The following CHTF18 variants were observed in gnomAD, a reference collection of about 807,000 sequenced individuals.
CHTF18 encodes the protein chromosome transmission fidelity protein 18 homolog.
A neutral mutation model predicts 113.4 loss-of-function variants in CHTF18; 151 were observed. That is an observed-to-expected ratio of 1.33 (90% CI 1.17 to 1.52). The LOEUF is 1.52. Ranked by LOEUF, CHTF18 falls within the 40% of genes most tolerant of loss-of-function variation. CHTF18 has a pLI of 0.00. For missense variants in CHTF18, 1,982 were observed against 1,381.6 expected (o/e 1.43, Z -6.89); for synonymous variants, 916 against 598.8 (o/e 1.53, Z -7.74).
At chr16:796,435 G>T (rs1240117213) in intron 18 of CHTF18, among the ~76,000 whole-genome samples, 1 of 152,240 alleles carries the variant, frequency 6.6e-6, no homozygotes, top group Non-Finnish European at 1.5e-5. Flanking sequence ...GGGTCCTGCT[G>T]CCCCAGCGAC....
chr16:797,647 G>C, intron 20 of CHTF18, 47 bp from the exon 21 acceptor site: 1 of 1,599,832 alleles, frequency 6.3e-7, no homozygotes, highest in Non-Finnish European at 8.5e-7. Context: ...GTAGGGGCTG[G>C]ATGGGGCATC....
At chr16:794,864 C>T (rs1478081501) in intron 15 of CHTF18, 3 of 456,018 alleles carry the variant, frequency 6.6e-6, no homozygotes, top group Admixed American at 4.1e-5. Flanking sequence ...CCCCTCGTGT[C>T]AGTCTCTGTC....
At chr16:793,103 T>C in intron 13 of CHTF18, 39 bp downstream of exon 13, 1 of 1,569,410 alleles carries the variant, frequency 6.4e-7, no homozygotes, top group Non-Finnish European at 8.6e-7. Context: ...TGGGGTGGGG[T>C]CAGGAGTTGG....
rs781238745 is a variant in CHTF18, at chr16:788,656, C to G, written c.-29C>G. On this transcript the variant is annotated 5_prime_UTR_variant, in exon 1 of 22. Coordinates refer to ENST00000262315, the MANE Select transcript of CHTF18 (RefSeq NM_022092.3). The stretch of plus-strand genomic sequence containing the variant: ...GACGGCGGCGGCGGCGCGGGAGGTT[C>G]GGAGCGGGAGCTCGGGCTCGCGGAC... The G allele has an allele frequency of 3.4e-6, 5 of 1,490,062 alleles. No individual in the cohort carries two copies. In the South Asian group the frequency reaches 3.9e-5, roughly 12 times the overall value. 92.3% of individuals were successfully genotyped at this position (1,490,062 alleles called of 1,614,324 possible).
intron 8 of CHTF18, 85 bp downstream of exon 8, chr16:791,455 C>G: frequency 6.8e-7 from 1 of 1,477,548 alleles, no homozygotes; most frequent in Non-Finnish European, 9.0e-7. Flanking sequence ...TGACTTTCTC[C>G]AGGAGCCGTG....
Position 791,908 on chromosome 16 carries a change from G to A in CHTF18, c.1162G>A (p.Ala388Thr). The A allele has an allele frequency of 6.2e-7, 1 of 1,610,022 alleles. No homozygotes were observed. The highest frequency in any genetic ancestry group is 8.5e-7 in the Non-Finnish European group (1 of 1,178,808). The change falls in exon 9 of 22, where the codon GCG (alanine) becomes ACG (threonine). Residue 388 changes from alanine (A) to threonine (T), a missense_variant. Ala to Thr is a moderately conservative substitution (Grantham distance 58). Transcript: ENST00000262315. ...GAAGACCACCCTGGCACACGTGATT[G>A]CGCGTCACGCGGGGTACTCTGTGGT... ...LGKTTLAHVI[A>T]RHAGYSVVEM...
chr16:794,260 C>A (rs1049694944), intron 15 of CHTF18, 59 bp downstream of exon 15: 1 of 1,564,062 alleles, frequency 6.4e-7, no homozygotes, highest in Non-Finnish European at 8.7e-7. Flanking sequence ...CTGGGCTGTG[C>A]CCCTGCCCCT....
In CHTF18 at chr16:794,030, C is replaced by T. The variant is rs367798268; in HGVS notation, c.1803-24C>T. 2.2e-5 allele frequency: 35 copies of T among 1,602,444 alleles called. No individual in the cohort carries two copies. The African/African-American group carries it at 2.8e-4, about 13-fold the overall frequency. ...GCCTGTGCTTTTAACACGGGTCCAT[C>T]TAGCTTCAGCACCCCACCTGCAGGC... On this transcript the variant is annotated intron_variant, in intron 14 of 21. Coordinates refer to ENST00000262315, the MANE Select transcript of CHTF18 (RefSeq NM_022092.3).
intron 8 of CHTF18, chr16:791,625 A>T: frequency 7.0e-7 from 1 of 1,429,408 alleles, no homozygotes. Context: ...GGCCAGTCAC[A>T]CTGGTATCAG....
intron 14 of CHTF18, 21 bp from the exon 15 acceptor site, chr16:794,033 G>A (rs2042271652): frequency 2.5e-6 from 4 of 1,603,794 alleles, no homozygotes; most frequent in Non-Finnish European, 3.4e-6. Context: ...GGTCCATCTA[G>A]CTTCAGCACC....
chr16:796,490 C>T (rs890709879), intron 18 of CHTF18: 364 of 594,750 alleles, frequency 6.1e-4, no homozygotes, highest in African/African-American at 1.5e-3. Flanking sequence ...TGGCAGCCAT[C>T]GGCAGGTTTC....
Position 790,197 on chromosome 16 carries a change from A to G in CHTF18, c.627A>G (p.Pro209=), listed in dbSNP as rs749754581. The change falls in exon 5 of 22, where the codon CCA becomes CCG. Residue 209 remains proline (P), a synonymous_variant. Coordinates refer to ENST00000262315, the MANE Select transcript of CHTF18 (RefSeq NM_022092.3). Reference sequence around the variant, plus strand: ...CACAGGGCTCTCTCCTCCACGTCCCATGGCGAGGCGGTGGCCAGCTGGACC... The same window carrying G: ...CACAGGGCTCTCTCCTCCACGTCCCGTGGCGAGGCGGTGGCCAGCTGGACC... ...PGVQGSLLHV[P]WRGGGQLDLL... 16 of 1,602,952 alleles carry G rather than the reference A, an allele frequency of 1.0e-5. No homozygotes were observed. The African/African-American group carries it at 1.9e-4, about 19-fold the overall frequency.
In CHTF18 at chr16:794,075, C is replaced by T. The variant is rs373024430; in HGVS notation, c.1824C>T (p.Pro608=). The change falls in exon 15 of 22, where the codon CCC becomes CCT. Residue 608 remains proline, a synonymous_variant. Coordinates refer to ENST00000262315, the MANE Select transcript of CHTF18 (RefSeq NM_022092.3). ...RAQRRRVGQD[P]ALPADTLLLG... ...GCAGGCGCCGTGTGGGCCAGGACCC[C>T]GCCCTGCCTGCTGACACACTCCTGC... 27 of 1,611,558 alleles carry T rather than the reference C, an allele frequency of 1.7e-5. No homozygotes were observed. Among genetic ancestry groups the T allele is most frequent in the South Asian group, 1.4e-4 (13 of 91,040 alleles).
Position 790,559 on chromosome 16 carries a change from T to A in CHTF18, c.787T>A (p.Leu263Met), listed in dbSNP as rs771432403. Reference sequence around the variant, plus strand: ...GGGGGAGGAGGAGGCAGCCCAGCCCTTGGGGGCCCCTGAGGAGGAGCCGAC... The same window carrying A: ...GGGGGAGGAGGAGGCAGCCCAGCCCATGGGGGCCCCTGAGGAGGAGCCGAC... ...RSGEEEAAQP[L>M]GAPEEEPTDG... The change falls in exon 7 of 22, where the codon TTG (leucine) becomes ATG (methionine). Residue 263 changes from leucine (L) to methionine (M), a missense_variant. Leu to Met is a conservative substitution (Grantham distance 15). Coordinates refer to ENST00000262315, the MANE Select transcript of CHTF18 (RefSeq NM_022092.3). 1 of 1,597,590 alleles carries A rather than the reference T, an allele frequency of 6.3e-7. No individual in the cohort carries two copies. Among genetic ancestry groups the A allele is most frequent in the African/African-American group, 1.3e-5 (1 of 74,656 alleles).
rs757179357 is a variant in CHTF18 at position 795,667 on chromosome 16, G to A, written c.2176-18G>A. The A allele has an allele frequency of 6.4e-7, 1 of 1,567,916 alleles. No individual in the cohort carries two copies. Among genetic ancestry groups the A allele is most frequent in the Non-Finnish European group, 8.6e-7 (1 of 1,161,744 alleles). ...GGGAGGCCCAGGTGACCAGGCCTTGGCTCACCCCCTGCCCCAGGCCCAGAA... is the reference window on the plus strand; with the variant it reads ...GGGAGGCCCAGGTGACCAGGCCTTGACTCACCCCCTGCCCCAGGCCCAGAA... On this transcript the variant is annotated intron_variant, in intron 16 of 21. Coordinates refer to ENST00000262315, the MANE Select transcript of CHTF18 (RefSeq NM_022092.3).
chr16:790,334 G>A lies in CHTF18; in HGVS notation c.700-13G>A, dbSNP rs775896514. On this transcript the variant is annotated splice_polypyrimidine_tract_variant and intron_variant, in intron 5 of 21. Coordinates refer to ENST00000262315, the MANE Select transcript of CHTF18 (RefSeq NM_022092.3). ...GCCTGAGCCCTCCTGATTCCAGCCT[G>A]TTGTTTGCACAGCGGCGGGAGCGGC... is the stretch of plus-strand genomic sequence containing the variant. 5.6e-6 allele frequency: 9 copies of A among 1,612,288 alleles called. No homozygotes were observed. The African/African-American group carries it at 1.1e-4, about 19-fold the overall frequency.
At chr16:793,795 T>G (rs533875949) in intron 14 of CHTF18, 36 of 652,972 alleles carry the variant, frequency 5.5e-5, no homozygotes, top group African/African-American at 5.4e-4. Context: ...AGGGGGACTT[T>G]CCCTGGGGTC....
In CHTF18 at chr16:791,871, C is replaced by A. The variant is rs967066967; in HGVS notation, c.1125C>A (p.Pro375=). 12 of 1,607,438 alleles carry A rather than the reference C, an allele frequency of 7.5e-6. No homozygotes were observed. Among genetic ancestry groups the A allele is most frequent in the Middle Eastern group, 1.6e-4 (1 of 6,066 alleles). The change falls in exon 9 of 22, where the codon CCC becomes CCA. Residue 375 remains proline (P), a synonymous_variant. Coordinates refer to ENST00000262315, the MANE Select transcript of CHTF18 (RefSeq NM_022092.3). ...TGCAGGTGGCACTGCTCTGTGGGCC[C>A]CCGGGGCTGGGGAAGACCACCCTGG... ...PKQKVALLCG[P]PGLGKTTLAH...
At position 792,599 on chromosome 16, in the gene CHTF18, A is replaced by G. The variant is rs1393527118; in HGVS notation, c.1478+9A>G. On this transcript the variant is annotated intron_variant, in intron 11 of 21. Coordinates refer to ENST00000262315, the MANE Select transcript of CHTF18 (RefSeq NM_022092.3). ...TGCATTTGCAATGACCAGTGAGTGC[A>G]TGGGCGGGCGCCACAGTCAGGAGAG... The G allele has an allele frequency of 3.8e-6, 6 of 1,594,806 alleles. No individual in the cohort carries two copies. The highest frequency in any genetic ancestry group is 4.5e-5 in the East Asian group (2 of 44,694).
Sources: allele counts gnomAD v4.1 joint callset (sites outside exome capture counted in the v4.1 genomes callset), GRCh38; gene constraint gnomAD v4.1.1; transcripts MANE v1.5; gene names NCBI Gene and HGNC (gene_info 2026-07-23, HGNC 2026-07-21).